Variants in BTBD7 observed in about 807,000 individuals in gnomAD.
BTBD7 encodes BTB/POZ domain-containing protein 7.
BTBD7 carries 38 observed loss-of-function variants against 99.9 expected under a neutral mutation model. The observed-to-expected ratio is 0.38, with a 90% CI of 0.29 to 0.50. The LOEUF (loss-of-function observed/expected upper bound fraction) is 0.50. Ranked by LOEUF, BTBD7 falls within the 20% of genes least tolerant of loss-of-function variation. BTBD7 has a pLI of 0.93. For synonymous variants in BTBD7, 520 were observed against 511.4 expected, an observed-to-expected ratio of 1.02 and a Z score of -0.23; for missense variants, 1,170 against 1,394.6, an observed-to-expected ratio of 0.84 and a Z score of 2.57.
chr14:93,266,437 A>C (rs1566841853), intron 3 of BTBD7, among the ~76,000 whole-genome samples: 1 of 152,208 alleles, frequency 6.6e-6, no homozygotes, highest in African/African-American at 2.4e-5. Context: ...GGGTTATGTA[A>C]GAGAAACCTG....
chr14:93,276,057 A>G (rs1339776411), intron 3 of BTBD7, among the ~76,000 whole-genome samples: 2 of 151,938 alleles, frequency 1.3e-5, no homozygotes, highest in Non-Finnish European at 2.9e-5. Context: ...TCTAAAAACA[A>G]ATTTAAAAAT....
intron 1 of BTBD7, among the ~76,000 whole-genome samples, chr14:93,326,977 G>A (rs1301850261): frequency 1.3e-5 from 2 of 151,686 alleles, no homozygotes; most frequent in African/African-American, 4.8e-5. Flanking sequence ...TAAAGCCTAG[G>A]CAACACTGCA....
intron 3 of BTBD7, chr14:93,288,827 T>C (rs2052812015): frequency 1.4e-6 from 2 of 1,395,362 alleles, no homozygotes; most frequent in African/African-American, 2.9e-5. Context: ...CTGTTCACCA[T>C]TTCCAGGACT....
intron 1 of BTBD7, among the ~76,000 whole-genome samples, chr14:93,297,456 G>A (rs570124277): frequency 6.6e-6 from 1 of 152,176 alleles, no homozygotes; most frequent in African/African-American, 2.4e-5. Context: ...CTGAGTAGCT[G>A]GGACTACAGG....
rs1212329807 is a variant in BTBD7 at position 93,257,345 on chromosome 14, T to C, written c.1458A>G (p.Leu486=). 1 of 1,603,516 alleles carries C rather than the reference T, an allele frequency of 6.2e-7. No homozygotes were observed. Among genetic ancestry groups the C allele is most frequent in the Non-Finnish European group, 8.5e-7 (1 of 1,176,640 alleles). The change falls in exon 6 of 11, where the codon TTA becomes TTG. Residue 486 remains leucine (L), a synonymous_variant. Coordinates refer to ENST00000334746, the MANE Select transcript of BTBD7 (RefSeq NM_001002860.4). Reference sequence around the variant, plus strand: ...TCACACTATGGGCAGTGCCACTCAGTAAGTTTGGCTCTATGAGACAGAAAA... The same window carrying C: ...TCACACTATGGGCAGTGCCACTCAGCAAGTTTGGCTCTATGAGACAGAAAA... The part of the protein sequence containing the change: ...MKRIADREPN[L]LSGTAHSVNK...
chr14:93,318,130 T>G (rs1343729731), intron 1 of BTBD7, among the ~76,000 whole-genome samples: 1 of 152,222 alleles, frequency 6.6e-6, no homozygotes, highest in Non-Finnish European at 1.5e-5. Context: ...GGGGTGATCT[T>G]GCGGATTCAA....
chr14:93,331,888 C>T lies in BTBD7; in HGVS notation c.-107+932G>A, dbSNP rs950822019. Reference sequence around the variant, plus strand: ...AGAGCGAGACTCCGTCTCCCCCCCCCCAAAAAGGTTGTTAGTTGAAAAAGC... The same window carrying T: ...AGAGCGAGACTCCGTCTCCCCCCCCTCAAAAAGGTTGTTAGTTGAAAAAGC... On this transcript the variant is annotated intron_variant, in intron 1 of 10. Coordinates refer to ENST00000334746, the MANE Select transcript of BTBD7 (RefSeq NM_001002860.4). Among the ~76,000 whole-genome samples, 21 of 148,008 alleles carry T rather than the reference C, an allele frequency of 1.4e-4. No individual in the cohort carries two copies. In the South Asian group the frequency reaches 4.0e-3, roughly 29 times the overall value.
chr14:93,314,678 T>C (rs2053178823), intron 1 of BTBD7, among the ~76,000 whole-genome samples: 1 of 152,188 alleles, frequency 6.6e-6, no homozygotes, highest in Non-Finnish European at 1.5e-5. Flanking sequence ...AGAATAAATT[T>C]CAAGAAGATT....
chr14:93,275,086 T>TG (rs1407076016), intron 3 of BTBD7, among the ~76,000 whole-genome samples: 1 of 152,120 alleles, frequency 6.6e-6, no homozygotes, highest in African/African-American at 2.4e-5. Context: ...TGGTACACAG[T>TG]GGGGGGCTAC....
At position 93,251,572 on chromosome 14, in the gene BTBD7, C is replaced by T. The variant is rs758817668; in HGVS notation, c.1833G>A (p.Thr611=). The change falls in exon 8 of 11, where the codon ACG becomes ACA. Residue 611 remains threonine (T), a synonymous_variant. Coordinates refer to ENST00000334746, the MANE Select transcript of BTBD7 (RefSeq NM_001002860.4). Reference sequence around the variant, plus strand: ...GCACGGCATTATTGACCATGTAGAGCGTGTCTGGCACATTGGACATTCTAA... The same window carrying T: ...GCACGGCATTATTGACCATGTAGAGTGTGTCTGGCACATTGGACATTCTAA... ...RMVRMSNVPD[T]LYMVNNAVPQ... The T allele has an allele frequency of 8.7e-6, 14 of 1,613,792 alleles. No individual in the cohort carries two copies. The highest frequency in any genetic ancestry group is 1.6e-4 in the Middle Eastern group (1 of 6,084).
At chr14:93,287,766 G>C (rs1026887731) in intron 3 of BTBD7, 1 of 152,226 alleles carries the variant, frequency 6.6e-6, no homozygotes, top group African/African-American at 2.4e-5. Context: ...TGGCTGATGC[G>C]TGGGATCTCC....
In BTBD7 at chr14:93,246,410, T is replaced by C. The variant is rs890808113; in HGVS notation, c.2122-124A>G. ...CCACAGTCAGCAAGAATAAAAAGCA[T>C]AATATATTTTTCTAGGCCAGAAGCC... On this transcript the variant is annotated intron_variant, in intron 9 of 10. Transcript: ENST00000334746. 16 of 1,116,026 alleles carry C rather than the reference T, an allele frequency of 1.4e-5. No homozygotes were observed. In the African/African-American group the frequency reaches 2.6e-4, roughly 18 times the overall value. The allele number at this position is 1,116,026 out of a possible 1,614,324, so 69.1% of individuals were successfully genotyped here.
chr14:93,296,490 C>A (rs1294661030), intron 1 of BTBD7, among the ~76,000 whole-genome samples: 1 of 152,124 alleles, frequency 6.6e-6, no homozygotes, highest in African/African-American at 2.4e-5. Flanking sequence ...TGTTTTAAAT[C>A]CTTAGAGGCA....
At chr14:93,254,286 AC>A (rs2052404662) in intron 6 of BTBD7, among the ~76,000 whole-genome samples, 1 of 152,206 alleles carries the variant, frequency 6.6e-6, no homozygotes, top group Non-Finnish European at 1.5e-5. Context: ...ATAAAAAGAT[AC>A]CATAATTTCC....
chr14:93,278,706 C>T (rs143522314), intron 3 of BTBD7, among the ~76,000 whole-genome samples: 1 of 152,206 alleles, frequency 6.6e-6, no homozygotes, highest in African/African-American at 2.4e-5. Context: ...TATAGGACCA[C>T]CATTGTACAT....
chr14:93,295,062 T>G, intron 2 of BTBD7, 125 bp from the exon 3 acceptor site: 1 of 956,560 alleles, frequency 1.0e-6, no homozygotes, highest in Non-Finnish European at 1.5e-6. Context: ...TTGCATTTGT[T>G]TTTTATAAAG....
At chr14:93,330,655 T>C (rs1462442328) in intron 1 of BTBD7, among the ~76,000 whole-genome samples, 1 of 152,262 alleles carries the variant, frequency 6.6e-6, no homozygotes, top group Non-Finnish European at 1.5e-5. Context: ...ATTATGTTTC[T>C]TTCCTTTCTT....
At position 93,332,946 on chromosome 14, in the gene BTBD7, C is replaced by T. The variant is rs1439484413; in HGVS notation, c.-233G>A. On this transcript the variant is annotated 5_prime_UTR_variant, in exon 1 of 11. Transcript: ENST00000334746. ...CCGGCCATCCTCCTCCCACCGCCGC[C>T]GCCGCCGCCCTCTCCTCTCCTGTCA... 3.7e-6 allele frequency: 3 copies of T among 802,044 alleles called. No individual in the cohort carries two copies. The highest frequency in any genetic ancestry group is 2.0e-5 in the South Asian group (1 of 49,080). 49.7% of individuals were successfully genotyped at this position (802,044 alleles called of 1,614,324 possible). A position where few individuals can be genotyped will look rare whatever the true frequency, so the allele number is the denominator to read the frequency against.
At chr14:93,324,366 G>A (rs926957720) in intron 1 of BTBD7, among the ~76,000 whole-genome samples, 1 of 149,922 alleles carries the variant, frequency 6.7e-6, no homozygotes, top group African/African-American at 2.5e-5. Flanking sequence ...AGGTTGGAGT[G>A]AGCTGTGATT....
Sources: allele counts gnomAD v4.1 joint callset (sites outside exome capture counted in the v4.1 genomes callset), GRCh38; gene constraint gnomAD v4.1.1; transcripts MANE v1.5; gene names NCBI Gene and HGNC (gene_info 2026-07-23, HGNC 2026-07-21).